SF3B3: variants seen among roughly 807,000 people sequenced by gnomAD.
The protein encoded by SF3B3 is splicing factor 3b subunit 3.
Under a neutral mutation model 139.2 loss-of-function variants are expected in SF3B3, and 33 were observed. The ratio of observed to expected loss-of-function variants is 0.24; its 90% CI spans 0.18 to 0.32. SF3B3 has a LOEUF of 0.32. SF3B3 is among the 10% of genes least tolerant of loss of function. SF3B3 has a pLI of 1.00. For missense variants in SF3B3, 818 were observed against 1,509.4 expected, an observed-to-expected ratio of 0.54 and a Z score of 7.59; for synonymous variants, 596 against 563.6, an observed-to-expected ratio of 1.06 and a Z score of -0.81.
chr16:70,571,645 T>C, intron 25 of SF3B3, 28 bp from the exon 26 acceptor site: 2 of 1,591,688 alleles, frequency 1.3e-6, no homozygotes, highest in Non-Finnish European at 1.7e-6. Context: ...TCACCATTTT[T>C]TTTCTTTCTG....
At chr16:70,546,953 G>A (rs1216479580) in intron 10 of SF3B3, among the ~76,000 whole-genome samples, 4 of 152,126 alleles carry the variant, frequency 2.6e-5, no homozygotes, top group South Asian at 2.1e-4. Context: ...GCGTGAACCC[G>A]GGAGGTGGAG....
intron 21 of SF3B3, 76 bp downstream of exon 21, chr16:70,567,612 G>T: frequency 6.7e-7 from 1 of 1,503,076 alleles, no homozygotes. Flanking sequence ...GGTGGGCATT[G>T]AGTTTTAAAA....
At chr16:70,525,576 C>G (rs1180506146) in intron 1 of SF3B3, among the ~76,000 whole-genome samples, 2 of 152,184 alleles carry the variant, frequency 1.3e-5, no homozygotes, top group East Asian at 3.8e-4. Flanking sequence ...CTAGCTTCCT[C>G]TCTTTTGCTT....
chr16:70,525,071 C>CAAAA (rs2050043448), intron 1 of SF3B3: 1 of 152,388 alleles, frequency 6.6e-6, no homozygotes, highest in Non-Finnish European at 1.5e-5. Flanking sequence ...TCGCTGTCGC[C>CAAAA]CAGGCTGGAG....
At chr16:70,537,543 A>AGGG (rs1339386601) in intron 6 of SF3B3, among the ~76,000 whole-genome samples, 3 of 152,208 alleles carry the variant, frequency 2.0e-5, no homozygotes, top group Non-Finnish European at 4.4e-5. Context: ...CTGGGGTTGA[A>AGGG]CTTTAGGATT....
chr16:70,526,616 C>A lies in SF3B3; in HGVS notation c.-41C>A, dbSNP rs1452417074. ...CTTGGACTCCGTACTGTTGGTGTAA[C>A]CAAGGCCTGGAGGTCTGGGTGGCTC... On this transcript the variant is annotated 5_prime_UTR_variant, in exon 2 of 26. Transcript: ENST00000302516. The A allele has an allele frequency of 5.9e-6, 9 of 1,518,382 alleles. No individual in the cohort carries two copies. In the African/African-American group the frequency reaches 8.3e-5, roughly 14 times the overall value. The allele number at this position is 1,518,382 out of a possible 1,614,324, so 94.1% of individuals were successfully genotyped here. A position where few individuals can be genotyped will look rare whatever the true frequency, so the allele number is the denominator to read the frequency against.
chr16:70,558,363 A>G (rs114362573), intron 15 of SF3B3, among the ~76,000 whole-genome samples: 1,778 of 151,428 alleles, frequency 0.012, 40 homozygotes, highest in African/African-American at 0.041. Context: ...TGGTCCTCCT[A>G]CATTGGCCTC....
chr16:70,560,727 T>C, intron 16 of SF3B3, 136 bp downstream of exon 16: 1 of 952,498 alleles, frequency 1.0e-6, no homozygotes, highest in Non-Finnish European at 1.6e-6. Context: ...TGAGAAGTCC[T>C]GAGTTTTCCT....
rs1567426116 is a variant in SF3B3 at position 70,568,370 on chromosome 16, T to C, written c.3040T>C (p.Tyr1014His). 2 of 1,613,864 alleles carry C rather than the reference T, an allele frequency of 1.2e-6. No individual in the cohort carries two copies. Among genetic ancestry groups the C allele is most frequent in the Non-Finnish European group, 1.7e-6 (2 of 1,179,828 alleles). ...CCAAGAAAGTTTCATCTGGGTTCGC[T>C]ACAAGCGTAATGAAAACCAGCTTAT... Reference protein sequence around the residue: ...DVQESFIWVRYKRNENQLIIF... With the variant: ...DVQESFIWVRHKRNENQLIIF... Residue 1014 changes from tyrosine (Y) to histidine (H), a missense_variant, in exon 22 of 26, where the codon TAC becomes CAC. Physicochemically the swap from Tyr to His is moderately conservative, Grantham distance 83. This residue lies in a region of SF3B3 where 91 missense variants were observed against 171.8 expected (regional missense o/e 0.53). Transcript: ENST00000302516.
At chr16:70,568,592 A>G in intron 22 of SF3B3, 97 bp downstream of exon 22, 3 of 871,978 alleles carry the variant, frequency 3.4e-6, no homozygotes, top group East Asian at 2.7e-5. Context: ...TCTGAGAAGT[A>G]AAAATGGATA....
chr16:70,526,073 C>G (rs779517614), intron 1 of SF3B3, among the ~76,000 whole-genome samples: 2 of 151,466 alleles, frequency 1.3e-5, no homozygotes, highest in Non-Finnish European at 2.9e-5. Context: ...TGCCACCCTG[C>G]TTTTGCTCAG....
chr16:70,568,173 G>A, intron 21 of SF3B3, 110 bp from the exon 22 acceptor site: 1 of 803,508 alleles, frequency 1.2e-6, no homozygotes, highest in Non-Finnish European at 2.1e-6. Context: ...CTGGTTTTTG[G>A]TATTTGCTGT....
chr16:70,543,053 G>A (rs2050234698), intron 9 of SF3B3, among the ~76,000 whole-genome samples: 1 of 151,958 alleles, frequency 6.6e-6, no homozygotes, highest in Non-Finnish European at 1.5e-5. Context: ...TTGATTTTTA[G>A]TGATTTTTTT....
rs2050531869 is a variant in SF3B3, at chr16:70,571,793, C to G, written c.3634C>G (p.Arg1212Gly). 1.2e-6 allele frequency: 2 copies of G among 1,613,888 alleles called. No homozygotes were observed. The highest frequency in any genetic ancestry group is 1.7e-6 in the Non-Finnish European group (2 of 1,179,970). ...PEVSKKLEDI[R>G]TRYAF ...AGTGTCCAAGAAACTCGAGGATATC[C>G]GGACCCGCTACGCCTTCTGAGCCCT... The change falls in exon 26 of 26, where the codon CGG becomes GGG. Residue 1212 changes from arginine to glycine, a missense_variant. Transcript: ENST00000302516.
rs1358728693 is a variant in SF3B3, at chr16:70,565,369, G to T, written c.2671G>T (p.Val891Leu). 1 of 1,614,074 alleles carries T rather than the reference G, an allele frequency of 6.2e-7. No individual in the cohort carries two copies. Among genetic ancestry groups the T allele is most frequent in the Non-Finnish European group, 8.5e-7 (1 of 1,180,052 alleles). The change falls in exon 20 of 26, where the codon GTG (valine) becomes TTG (leucine). Residue 891 changes from valine (V) to leucine (L), a missense_variant and splice_region_variant. Physicochemically the swap from Val to Leu is conservative, Grantham distance 32. Transcript: ENST00000302516. ...TCTTGCTTCTTATTCTGTGTGTAGT[G>T]TGGCTGTGTGCAGGTTTTCCAACAC... Reference protein sequence around the residue: ...QLEQNEAAFSVAVCRFSNTGE... With the variant: ...QLEQNEAAFSLAVCRFSNTGE...
rs1298014275 is a variant in SF3B3, at chr16:70,571,958, A to G, written c.*145A>G. ...TGAAAGTCAACAGCTCTTTCCCCTC[A>G]GCTCTTCTCCTGGAATGACTGGCTT... On this transcript the variant is annotated 3_prime_UTR_variant, in exon 26 of 26. Coordinates refer to ENST00000302516, the MANE Select transcript of SF3B3 (RefSeq NM_012426.5). 6.1e-6 allele frequency: 6 copies of G among 980,060 alleles called. No individual in the cohort carries two copies. The highest frequency in any genetic ancestry group is 7.6e-6 in the Non-Finnish European group (5 of 656,990). 60.7% of individuals were successfully genotyped at this position (980,060 alleles called of 1,614,324 possible).
chr16:70,526,545 G>T, intron 1 of SF3B3, 42 bp from the exon 2 acceptor site: 1 of 696,426 alleles, frequency 1.4e-6, no homozygotes, highest in Non-Finnish European at 2.5e-6. Context: ...GTCTGTTGAA[G>T]TAATAGTCTC....
chr16:70,561,891 G>A (rs2050432490), intron 17 of SF3B3, 107 bp downstream of exon 17: 10 of 908,310 alleles, frequency 1.1e-5, no homozygotes, highest in South Asian at 1.7e-5. Context: ...GCAGAGAGCC[G>A]ACTTCACCAT....
At chr16:70,559,003 C>T (rs898958189) in intron 15 of SF3B3, among the ~76,000 whole-genome samples, 3 of 152,088 alleles carry the variant, frequency 2.0e-5, no homozygotes, top group African/African-American at 4.8e-5. Context: ...GGGAGGGGGA[C>T]AGGAATACTT....
Sources: allele counts gnomAD v4.1 joint callset (sites outside exome capture counted in the v4.1 genomes callset), GRCh38; gene constraint gnomAD v4.1.1; regional missense constraint gnomAD v4.1.1; transcripts MANE v1.5; gene names NCBI Gene and HGNC (gene_info 2026-07-23, HGNC 2026-07-21).